The following CNTN4 variants were observed in gnomAD, a reference collection of about 807,000 sequenced individuals.
CNTN4 encodes contactin-4.
A neutral mutation model predicts 122.5 loss-of-function variants in CNTN4; 77 were observed. The ratio of observed to expected loss-of-function variants is 0.63; its 90% CI spans 0.52 to 0.76. CNTN4 has a LOEUF of 0.76. Among genes scored for constraint, CNTN4 ranks in the 30% least tolerant of loss-of-function variants. The probability of loss-of-function intolerance (pLI) is 0.00; values close to 1 mark genes in which losing one functional copy is unlikely to be tolerated. For missense variants in CNTN4, 1,256 were observed against 1,259.1 expected (o/e 1.00, Z 0.04); for synonymous variants, 512 against 447.0 (o/e 1.15, Z -1.83).
At chr3:2,132,560 G>A (rs756970725) in intron 2 of CNTN4, 10 of 152,072 alleles carry the variant, frequency 6.6e-5, no homozygotes, top group Non-Finnish European at 1.5e-4. Context: ...TATCCTCAGA[G>A]GTTTCATTAC....
chr3:2,536,587 ATT>A (rs79258066), intron 3 of CNTN4, among the ~76,000 whole-genome samples: 12 of 141,014 alleles, frequency 8.5e-5, no homozygotes, highest in African/African-American at 7.8e-5. Flanking sequence ...TTTTTAAATA[ATT>A]TTTTTTTTTT....
At chr3:2,797,265 A>T (rs2092214868) in intron 6 of CNTN4, among the ~76,000 whole-genome samples, 1 of 152,102 alleles carries the variant, frequency 6.6e-6, no homozygotes, top group African/African-American at 2.4e-5. Context: ...AAGCACTGGG[A>T]TTACAGGCGT....
chr3:2,601,854 G>T (rs1052795585), intron 4 of CNTN4, among the ~76,000 whole-genome samples: 38 of 152,162 alleles, frequency 2.5e-4, no homozygotes, highest in African/African-American at 9.2e-4. Flanking sequence ...TAAAATACTG[G>T]CAAACTGAAT....
At chr3:2,139,458 C>T (rs1049362986) in intron 2 of CNTN4, among the ~76,000 whole-genome samples, 5 of 152,198 alleles carry the variant, frequency 3.3e-5, no homozygotes, top group African/African-American at 1.2e-4. Flanking sequence ...TGATTCCCAT[C>T]CACATTGATT....
chr3:2,963,589 T>A (rs2094883266), intron 13 of CNTN4, among the ~76,000 whole-genome samples: 1 of 152,116 alleles, frequency 6.6e-6, no homozygotes, highest in South Asian at 2.1e-4. Flanking sequence ...GACCACTACT[T>A]ATCATCGATT....
intron 3 of CNTN4, among the ~76,000 whole-genome samples, chr3:2,380,569 G>A (rs1331704183): frequency 6.6e-6 from 1 of 152,142 alleles, no homozygotes; most frequent in African/African-American, 2.4e-5. Context: ...TAGGGGCTAA[G>A]TAAATATTCC....
intron 3 of CNTN4, among the ~76,000 whole-genome samples, chr3:2,489,164 A>C (rs530983692): frequency 2.4e-4 from 37 of 152,320 alleles, no homozygotes; most frequent in African/African-American, 8.7e-4. Context: ...TTGAACGGGA[A>C]CTTATGCCAG....
intron 6 of CNTN4, among the ~76,000 whole-genome samples, chr3:2,773,559 G>A (rs2091192422): frequency 6.6e-6 from 1 of 152,028 alleles, no homozygotes; most frequent in Non-Finnish European, 1.5e-5. Context: ...GGATTCTAGA[G>A]GAAGATGAGA....
chr3:2,410,674 G>A (rs2047196480), intron 3 of CNTN4, among the ~76,000 whole-genome samples: 1 of 152,152 alleles, frequency 6.6e-6, no homozygotes, highest in Non-Finnish European at 1.5e-5. Flanking sequence ...GAATGTATCA[G>A]CACAGAAAAC....
intron 3 of CNTN4, among the ~76,000 whole-genome samples, chr3:2,570,665 A>G (rs1452118200): frequency 6.6e-6 from 1 of 152,146 alleles, no homozygotes; most frequent in African/African-American, 2.4e-5. Context: ...TCCATTCCTC[A>G]GAATAACAGT....
At chr3:2,896,999 T>C (rs1274501801) in intron 10 of CNTN4, among the ~76,000 whole-genome samples, 2 of 149,866 alleles carry the variant, frequency 1.3e-5, no homozygotes, top group Middle Eastern at 7.0e-3. Context: ...GCCTAAGGCA[T>C]ATGTTGGCAT....
intron 2 of CNTN4, among the ~76,000 whole-genome samples, chr3:2,185,688 C>T (rs931499815): frequency 1.3e-5 from 2 of 152,174 alleles, no homozygotes; most frequent in East Asian, 3.9e-4. Context: ...AGATGGTCTT[C>T]GGGGTGTGAT....
chr3:2,950,413 C>T (rs1369603899), intron 13 of CNTN4, among the ~76,000 whole-genome samples: 2 of 151,712 alleles, frequency 1.3e-5, no homozygotes, highest in African/African-American at 2.4e-5. Flanking sequence ...TTGGGAAGCC[C>T]CAAACACATC....
intron 4 of CNTN4, among the ~76,000 whole-genome samples, chr3:2,726,862 G>T (rs146910832): frequency 6.6e-6 from 1 of 152,240 alleles, no homozygotes; most frequent in African/African-American, 2.4e-5. Context: ...TTGGCTTATC[G>T]ATTGTAACAA....
intron 3 of CNTN4, among the ~76,000 whole-genome samples, chr3:2,389,028 G>C (rs1328942459): frequency 6.6e-6 from 1 of 151,704 alleles, no homozygotes; most frequent in Admixed American, 6.6e-5. Context: ...AGGCGTGGTG[G>C]TGTGTGCCTG....
chr3:2,893,643 C>T (rs983263778), intron 10 of CNTN4, among the ~76,000 whole-genome samples: 2 of 151,900 alleles, frequency 1.3e-5, no homozygotes, highest in African/African-American at 4.8e-5. Context: ...AAGTCCTCAC[C>T]TAATAAGAAA....
chr3:2,231,741 T>A (rs192830443), intron 2 of CNTN4, among the ~76,000 whole-genome samples: 1 of 152,340 alleles, frequency 6.6e-6, no homozygotes, highest in Non-Finnish European at 1.5e-5. Flanking sequence ...GAATGGTTGA[T>A]AATGATTAAA....
intron 3 of CNTN4, among the ~76,000 whole-genome samples, chr3:2,384,624 C>T (rs1432134683): frequency 6.6e-6 from 1 of 152,098 alleles, no homozygotes; most frequent in Non-Finnish European, 1.5e-5. Flanking sequence ...AAATTACTCC[C>T]TTTGTGGAAA....
chr3:2,467,401 A>AT lies in CNTN4; in HGVS notation c.-88-104009dup, dbSNP rs2075542085. Among the ~76,000 whole-genome samples the AT allele has an allele frequency of 6.6e-5, 10 of 152,230 alleles. No homozygotes were observed. The South Asian group carries it at 1.9e-3, about 28-fold the overall frequency. ...TCTACTTCCCAACTATCTTCAACAT[A>AT]TTTTTTGGTAAGTCACAGCAAAATT... On this transcript the variant is annotated intron_variant, in intron 3 of 24. Transcript: ENST00000418658.
Sources: gnomAD v4.1 joint callset for allele counts (sites outside exome capture counted in the v4.1 genomes callset) on GRCh38, gnomAD v4.1.1 for gene constraint, MANE v1.5 for transcripts, NCBI Gene and HGNC (gene_info 2026-07-23, HGNC 2026-07-21) for gene names.